The following ZFYVE28 variants were observed in gnomAD, a reference collection of about 807,000 sequenced individuals.
ZFYVE28 encodes the protein zinc finger FYVE-type containing 28.
Under a neutral mutation model 82.1 loss-of-function variants are expected in ZFYVE28, and 40 were observed. The ratio of observed to expected loss-of-function variants is 0.49; its 90% confidence interval spans 0.38 to 0.63. The LOEUF is 0.63. Among genes scored for constraint, ZFYVE28 ranks in the 30% least tolerant of loss-of-function variants. The probability of loss-of-function intolerance (pLI) is 0.00; values close to 1 mark genes in which losing one functional copy is unlikely to be tolerated. For missense variants in ZFYVE28, 1,321 were observed against 1,242.1 expected (o/e 1.06, Z -0.96); for synonymous variants, 612 against 546.1 (o/e 1.12, Z -1.68).
intron 1 of ZFYVE28, among the ~76,000 whole-genome samples, chr4:2,381,784 G>A (rs990457902): frequency 2.6e-5 from 4 of 152,254 alleles, no homozygotes; most frequent in Non-Finnish European, 4.4e-5. Flanking sequence ...CTTAAGTAAT[G>A]AGGAGCTGAA....
chr4:2,313,604 G>A (rs1717797073), intron 7 of ZFYVE28, among the ~76,000 whole-genome samples: 3 of 152,140 alleles, frequency 2.0e-5, no homozygotes, highest in Admixed American at 6.6e-5. Context: ...GGTGGCTCAT[G>A]TGTGTAATCC....
rs1001915828 is a variant in ZFYVE28, at chr4:2,332,022, C to T, written c.701+3683G>A. ...GGTGCCTTCGCCACTGGGAGCCCCTCAGAAGGGGACGGGAGCCTGGCCCGC... is the reference window on the plus strand; with the variant it reads ...GGTGCCTTCGCCACTGGGAGCCCCTTAGAAGGGGACGGGAGCCTGGCCCGC... On this transcript the variant is annotated intron_variant, in intron 6 of 12. Coordinates refer to ENST00000290974, the MANE Select transcript of ZFYVE28 (RefSeq NM_020972.3). This position sits in a 1 kb window ranked among gnomAD's most constrained non-coding sequence, Gnocchi z 4.7. Among the ~76,000 whole-genome samples the T allele has an allele frequency of 1.3e-5, 2 of 152,244 alleles. No individual in the cohort carries two copies. Among genetic ancestry groups the T allele is most frequent in the Admixed American group, 6.5e-5 (1 of 15,290 alleles).
intron 2 of ZFYVE28, among the ~76,000 whole-genome samples, chr4:2,348,698 G>A (rs1429322813): frequency 6.6e-6 from 1 of 152,156 alleles, no homozygotes. Flanking sequence ...TTGGGTCCTG[G>A]CATCTATATT....
chr4:2,296,072 G>A (rs369359049), intron 8 of ZFYVE28, among the ~76,000 whole-genome samples: 6 of 152,288 alleles, frequency 3.9e-5, no homozygotes, highest in African/African-American at 7.2e-5. Flanking sequence ...ACATGTGGGG[G>A]ACCTGCGGTA....
chr4:2,382,392 C>T (rs1728818203), intron 1 of ZFYVE28, among the ~76,000 whole-genome samples: 2 of 152,210 alleles, frequency 1.3e-5, no homozygotes, highest in Non-Finnish European at 2.9e-5. Flanking sequence ...GAGGCTGTAC[C>T]CTGCAAAGTC....
chr4:2,373,455 C>T (rs1357649157), intron 1 of ZFYVE28, among the ~76,000 whole-genome samples: 8 of 151,980 alleles, frequency 5.3e-5, no homozygotes, highest in Admixed American at 2.0e-4. Context: ...GCCATGATCA[C>T]GCCACTGCCA....
chr4:2,320,016 C>T lies in ZFYVE28; in HGVS notation c.803+154G>A, dbSNP rs113795359. Among the ~76,000 whole-genome samples, 15 of 152,194 alleles carry T rather than the reference C, an allele frequency of 9.9e-5. No individual in the cohort carries two copies. The highest frequency in any genetic ancestry group is 3.6e-4 in the African/African-American group (15 of 41,434). On this transcript the variant is annotated intron_variant, in intron 7 of 12. Transcript: ENST00000290974. The surrounding 1 kb of genome is among the most constrained non-coding windows in gnomAD (Gnocchi z 5.1). The stretch of plus-strand genomic sequence containing the variant: ...CCAGGACTCTGTGACCCCCATGGGT[C>T]GTTTGTGACCCCTCCCTAGGGAATA...
chr4:2,363,417 T>G (rs866009483), intron 1 of ZFYVE28, among the ~76,000 whole-genome samples: 1 of 152,154 alleles, frequency 6.6e-6, no homozygotes, highest in Non-Finnish European at 1.5e-5. Context: ...AGGAACCGCC[T>G]GGGCTTTGCT....
chr4:2,330,623 CA>C, intron 6 of ZFYVE28: 2 of 1,345,688 alleles, frequency 1.5e-6, no homozygotes, highest in Non-Finnish European at 1.9e-6. Context: ...GACAAGGGGA[CA>C]GCATAGAGGA....
At chr4:2,290,174 G>A (rs890319490) in intron 8 of ZFYVE28, among the ~76,000 whole-genome samples, 1 of 152,198 alleles carries the variant, frequency 6.6e-6, no homozygotes, top group African/African-American at 2.4e-5. Flanking sequence ...CAGGGGACAA[G>A]GCCGCCCATG....
rs564504888 is a variant in ZFYVE28, at chr4:2,304,376, A to C, written c.1964T>G (p.Val655Gly). The change falls in exon 8 of 13, where the codon GTT becomes GGT. Residue 655 changes from valine (V) to glycine (G), a missense_variant. By Grantham distance (109) the Val-to-Gly change is moderately radical (BLOSUM62 -3). Coordinates refer to ENST00000290974, the MANE Select transcript of ZFYVE28 (RefSeq NM_020972.3). ...TASGLQGEAG[V>G]AGQQEPEARE... is the part of the protein sequence containing the mutation. ...GGCCTCTGGCTCCTGCTGACCTGCAACCCCAGCCTCTCCTTGCAGCCCACT... is the reference window on the plus strand; with the variant it reads ...GGCCTCTGGCTCCTGCTGACCTGCACCCCCAGCCTCTCCTTGCAGCCCACT... 9 of 1,611,732 alleles carry C rather than the reference A, an allele frequency of 5.6e-6. No homozygotes were observed. In the South Asian group the frequency reaches 8.8e-5, roughly 16 times the overall value.
rs1266680939 is a variant in ZFYVE28, at chr4:2,304,810, G to A, written c.1530C>T (p.Gly510=). The change falls in exon 8 of 13, where the codon GGC becomes GGT. Residue 510 remains glycine, a synonymous_variant. Transcript: ENST00000290974. ...AGATGACCGTGGCTGAGAGCTTCAT[G>A]CCCCCTGTCCGGTGGGCGATCATCT... The part of the protein sequence containing the change: ...TAEMIAHRTG[G]MKLSATVIFN... 6.2e-7 allele frequency: 1 copy of A among 1,612,634 alleles called. No homozygotes were observed. The highest frequency in any genetic ancestry group is 8.5e-7 in the Non-Finnish European group (1 of 1,179,928).
At chr4:2,296,065 T>G (rs554367090) in intron 8 of ZFYVE28, among the ~76,000 whole-genome samples, 1 of 152,034 alleles carries the variant, frequency 6.6e-6, no homozygotes, top group Admixed American at 6.5e-5. Context: ...CATGAGGACA[T>G]GTGGGGGACC....
chr4:2,304,263 A>T, intron 8 of ZFYVE28, 26 bp downstream of exon 8: 1 of 1,532,178 alleles, frequency 6.5e-7, no homozygotes, highest in Non-Finnish European at 8.7e-7. Flanking sequence ...GGACAAACCC[A>T]GTCTCTGGGC....
intron 2 of ZFYVE28, chr4:2,342,763 A>G (rs187715361): frequency 2.6e-5 from 4 of 152,344 alleles, no homozygotes; most frequent in Admixed American, 2.6e-4. Flanking sequence ...AGGTTACAAA[A>G]ACACTGGAAG....
Position 2,335,583 on chromosome 4 carries a change from A to C in ZFYVE28, c.701+122T>G. 1 of 890,326 alleles carries C rather than the reference A, an allele frequency of 1.1e-6. No individual in the cohort carries two copies. Among genetic ancestry groups the C allele is most frequent in the Non-Finnish European group, 1.7e-6 (1 of 573,252 alleles). The allele number at this position is 890,326 out of a possible 1,614,324, so 55.2% of individuals were successfully genotyped here. ...GCAGGCCTGCCTGTCACTGATCGGG[A>C]CAGCTGAGCGGCCACCGTGAGGTGG... On this transcript the variant is annotated intron_variant, in intron 6 of 12. Transcript: ENST00000290974. This position sits in a 1 kb window ranked among gnomAD's most constrained non-coding sequence, Gnocchi z 5.8.
At chr4:2,411,579 G>A (rs1290123804) in intron 1 of ZFYVE28, among the ~76,000 whole-genome samples, 2 of 152,160 alleles carry the variant, frequency 1.3e-5, no homozygotes, top group African/African-American at 4.8e-5. Context: ...TGCAGGAAAG[G>A]AGACTTTGCC....
chr4:2,269,954 C>A lies in ZFYVE28; in HGVS notation c.*771G>T. The A allele has an allele frequency of 6.6e-6, 1 of 152,404 alleles. No individual in the cohort carries two copies. 9.4% of individuals were successfully genotyped at this position (152,404 alleles called of 1,614,324 possible). A position where few individuals can be genotyped will look rare whatever the true frequency, so the allele number is the denominator to read the frequency against. On this transcript the variant is annotated 3_prime_UTR_variant, in exon 13 of 13. Transcript: ENST00000290974. ...GTGCAGAGGGAAGGGGAAGTGGTAGCTGAGCTGGTGGCCCCGGGCGTCCTG... is the reference window on the plus strand; with the variant it reads ...GTGCAGAGGGAAGGGGAAGTGGTAGATGAGCTGGTGGCCCCGGGCGTCCTG...
At chr4:2,349,406 T>C (rs940866210) in intron 2 of ZFYVE28, among the ~76,000 whole-genome samples, 6 of 148,698 alleles carry the variant, frequency 4.0e-5, no homozygotes, top group Non-Finnish European at 7.5e-5. Context: ...TTGGGAGATA[T>C]ACCTAATGCT....
Sources: allele counts gnomAD v4.1 joint callset (sites outside exome capture counted in the v4.1 genomes callset), GRCh38; gene constraint gnomAD v4.1.1; non-coding constraint Gnocchi (gnomAD v3.1); transcripts MANE v1.5; gene names NCBI Gene and HGNC (gene_info 2026-07-23, HGNC 2026-07-21).